CDH18: variants seen among roughly 807,000 people sequenced by gnomAD.
CDH18 encodes the protein cadherin-18.
In CDH18, 31 loss-of-function variants were observed where a neutral mutation model predicts 67.9. That is an observed-to-expected ratio of 0.46 (90% confidence interval 0.34 to 0.62). CDH18 has a LOEUF of 0.62. CDH18 is among the 20% of genes least tolerant of loss of function. CDH18 has a pLI of 0.01. For missense variants in CDH18, 890 were observed against 975.5 expected, an observed-to-expected ratio of 0.91 and a Z score of 1.17; for synonymous variants, 362 against 347.2, an observed-to-expected ratio of 1.04 and a Z score of -0.48.
chr5:19,602,877 A>C (rs1442364837), intron 6 of CDH18, among the ~76,000 whole-genome samples: 5 of 152,126 alleles, frequency 3.3e-5, no homozygotes, highest in Non-Finnish European at 7.4e-5. Context: ...AGGCAGAAGA[A>C]TCCCTTGAAT....
intron 2 of CDH18, among the ~76,000 whole-genome samples, chr5:20,057,206 T>G (rs1561754854): frequency 2.0e-5 from 3 of 152,144 alleles, no homozygotes; most frequent in Non-Finnish European, 4.4e-5. Context: ...AATTAAATCA[T>G]AACTATGAAT....
chr5:20,299,423 CACACACA>C (rs1747783332), intron 1 of CDH18, among the ~76,000 whole-genome samples: 2 of 151,186 alleles, frequency 1.3e-5, no homozygotes, highest in Non-Finnish European at 3.0e-5. Flanking sequence ...CACACACACA[CACACACA>C]CACACACACA....
At chr5:19,552,725 T>C (rs545245415) in intron 8 of CDH18, among the ~76,000 whole-genome samples, 26 of 152,322 alleles carry the variant, frequency 1.7e-4, no homozygotes, top group Middle Eastern at 3.4e-3. Context: ...ATTTGCTCAG[T>C]GGTCTTTATT....
intron 5 of CDH18, among the ~76,000 whole-genome samples, chr5:19,672,358 A>G (rs1233929180): frequency 2.0e-5 from 3 of 152,166 alleles, no homozygotes; most frequent in African/African-American, 7.2e-5. Context: ...AACTTCTGTG[A>G]GAACTGACTT....
At chr5:20,281,422 A>C (rs914490771) in intron 1 of CDH18, among the ~76,000 whole-genome samples, 3 of 152,142 alleles carry the variant, frequency 2.0e-5, no homozygotes, top group East Asian at 3.9e-4. Context: ...AGCTTTCTAC[A>C]TATGGCTAGC....
chr5:20,517,530 A>G (rs1254554187), intron 1 of CDH18, among the ~76,000 whole-genome samples: 3 of 151,988 alleles, frequency 2.0e-5, no homozygotes, highest in Non-Finnish European at 4.4e-5. Flanking sequence ...TACAAAGTAG[A>G]CAATTAATTT....
chr5:19,802,470 T>C (rs985064340), intron 3 of CDH18, among the ~76,000 whole-genome samples: 1 of 152,154 alleles, frequency 6.6e-6, no homozygotes, highest in African/African-American at 2.4e-5. Flanking sequence ...TAAAATAAAA[T>C]GAATTATATT....
intron 1 of CDH18, among the ~76,000 whole-genome samples, chr5:20,560,947 C>G (rs946659067): frequency 6.6e-6 from 1 of 151,966 alleles, no homozygotes; most frequent in Non-Finnish European, 1.5e-5. Flanking sequence ...TAAAAAAAAT[C>G]AGCAAAAGAC....
intron 1 of CDH18, among the ~76,000 whole-genome samples, chr5:20,436,201 C>T (rs1468601594): frequency 1.3e-5 from 2 of 152,010 alleles, no homozygotes; most frequent in Non-Finnish European, 2.9e-5. Context: ...CACCCTACTT[C>T]CAGATAATGA....
chr5:19,695,003 T>C (rs1305718443), intron 5 of CDH18, among the ~76,000 whole-genome samples: 2 of 152,174 alleles, frequency 1.3e-5, no homozygotes, highest in Non-Finnish European at 2.9e-5. Context: ...GGATAGTCCC[T>C]GAAACAGAGG....
At chr5:20,118,199 G>A (rs1421110628) in intron 2 of CDH18, among the ~76,000 whole-genome samples, 1 of 151,982 alleles carries the variant, frequency 6.6e-6, no homozygotes, top group African/African-American at 2.4e-5. Context: ...TTTTTAAAAT[G>A]GTAACTTTTT....
rs552000560 is a variant in CDH18 at position 20,245,723 on chromosome 5, C to T, written c.-518+9721G>A. 2.1e-3 allele frequency among the ~76,000 whole-genome samples: 321 copies of T among 152,172 alleles called. 1 individual carries two copies. Among genetic ancestry groups the T allele is most frequent in the African/African-American group, 7.1e-3 (294 of 41,544 alleles). ...ATACACCATACCACACATAAAAACA[C>T]GCATATAATGCACAATAAAAACCTG... On this transcript the variant is annotated intron_variant, in intron 2 of 14. Transcript: ENST00000507958.
chr5:19,597,484 G>A (rs1309785661), intron 6 of CDH18, among the ~76,000 whole-genome samples: 1 of 152,144 alleles, frequency 6.6e-6, no homozygotes, highest in African/African-American at 2.4e-5. Context: ...CTGGGGCACT[G>A]TGAGTTATGT....
chr5:19,593,726 C>CTTG (rs1745672726), intron 6 of CDH18, among the ~76,000 whole-genome samples: 1 of 141,170 alleles, frequency 7.1e-6, no homozygotes, highest in Non-Finnish European at 1.5e-5. Context: ...TCTTCTTCTT[C>CTTG]TTCTTCTTCT....
chr5:20,571,242 T>C (rs1195811577), intron 1 of CDH18, among the ~76,000 whole-genome samples: 1 of 152,162 alleles, frequency 6.6e-6, no homozygotes, highest in East Asian at 1.9e-4. Flanking sequence ...TGTTTGTCTC[T>C]TGATTCTTGG....
chr5:20,313,888 G>A (rs12654126), intron 1 of CDH18, among the ~76,000 whole-genome samples: 26,093 of 151,872 alleles, frequency 0.17, 2,718 homozygotes, highest in East Asian at 0.28. Flanking sequence ...GTAATCTTAT[G>A]TACTCAAAGA....
At chr5:20,009,276 G>A (rs1255736857) in intron 2 of CDH18, among the ~76,000 whole-genome samples, 6 of 151,860 alleles carry the variant, frequency 4.0e-5, no homozygotes, top group Non-Finnish European at 5.9e-5. Context: ...CACATTGACC[G>A]GTCTACATCT....
At chr5:20,520,621 A>G (rs919435910) in intron 1 of CDH18, among the ~76,000 whole-genome samples, 5 of 152,160 alleles carry the variant, frequency 3.3e-5, no homozygotes, top group Non-Finnish European at 7.3e-5. Flanking sequence ...ATAATTAAGA[A>G]AGAAGAGTTA....
intron 2 of CDH18, among the ~76,000 whole-genome samples, chr5:19,936,951 C>A (rs1794343429): frequency 6.6e-6 from 1 of 151,172 alleles, no homozygotes; most frequent in Admixed American, 6.6e-5. Context: ...AAAAATACTT[C>A]TTAGAGTAAT....
Sources: gnomAD v4.1 joint callset for allele counts (sites outside exome capture counted in the v4.1 genomes callset) on GRCh38, gnomAD v4.1.1 for gene constraint, MANE v1.5 for transcripts, NCBI Gene and HGNC (gene_info 2026-07-23, HGNC 2026-07-21) for gene names.